SESTD1: variants seen among roughly 807,000 people sequenced by gnomAD.
The protein encoded by SESTD1 is SEC14 domain and spectrin repeat-containing protein 1.
SESTD1 carries 43 observed loss-of-function variants against 101.7 expected under a neutral mutation model. The ratio of observed to expected loss-of-function variants is 0.42; its 90% CI spans 0.33 to 0.55. SESTD1 has a LOEUF of 0.55. Among genes scored for constraint, SESTD1 ranks in the 20% least tolerant of loss-of-function variants. The pLI, the probability that SESTD1 is intolerant of heterozygous loss-of-function variation, is 0.07. For synonymous variants in SESTD1, 283 were observed against 286.8 expected, an observed-to-expected ratio of 0.99 and a Z score of 0.13; for missense variants, 647 against 815.1, an observed-to-expected ratio of 0.79 and a Z score of 2.51.
intron 15 of SESTD1, among the ~76,000 whole-genome samples, chr2:179,116,309 A>T (rs1312433585): frequency 2.0e-5 from 3 of 151,202 alleles, no homozygotes; most frequent in Non-Finnish European, 4.4e-5. Context: ...ACCACAAAAA[A>T]GTTCTGTATT....
intron 1 of SESTD1, among the ~76,000 whole-genome samples, chr2:179,255,739 T>C (rs995807530): frequency 2.7e-4 from 41 of 152,236 alleles, no homozygotes; most frequent in African/African-American, 9.4e-4. Flanking sequence ...TCAATGTAGA[T>C]GAAACAGCCT....
At chr2:179,257,045 T>C (rs549862407) in intron 1 of SESTD1, among the ~76,000 whole-genome samples, 28 of 152,228 alleles carry the variant, frequency 1.8e-4, no homozygotes, top group South Asian at 6.2e-4. Context: ...CCACCCAGCA[T>C]CTCATGCCAC....
At chr2:179,154,804 T>C (rs1265274766) in intron 5 of SESTD1, among the ~76,000 whole-genome samples, 1 of 152,226 alleles carries the variant, frequency 6.6e-6, no homozygotes, top group African/African-American at 2.4e-5. Flanking sequence ...CAGAATCTCA[T>C]AACCAATAAT....
chr2:179,139,998 G>A lies in SESTD1; in HGVS notation c.849+3594C>T, dbSNP rs569176762. On this transcript the variant is annotated intron_variant, in intron 9 of 17. Transcript: ENST00000428443. ...TGGTAATCCTAGCCATCCTTCCTGCGACACAGAAGGAGCTCTCGCTCTTAC... is the reference window on the plus strand; with the variant it reads ...TGGTAATCCTAGCCATCCTTCCTGCAACACAGAAGGAGCTCTCGCTCTTAC... 3.3e-5 allele frequency among the ~76,000 whole-genome samples: 5 copies of A among 152,244 alleles called. No individual in the cohort carries two copies. The South Asian group carries it at 6.2e-4, about 19-fold the overall frequency.
chr2:179,154,279 A>AAGGG (rs1471387182), intron 5 of SESTD1, among the ~76,000 whole-genome samples: 2 of 142,462 alleles, frequency 1.4e-5, no homozygotes, highest in East Asian at 4.7e-4. Context: ...GGAAGGAAGG[A>AAGGG]AGGGAGGAAG....
intron 1 of SESTD1, among the ~76,000 whole-genome samples, chr2:179,196,052 A>G (rs1468261297): frequency 1.3e-5 from 2 of 152,200 alleles, no homozygotes; most frequent in East Asian, 1.9e-4. Flanking sequence ...TACCGGGTTC[A>G]TCTCACCAGG....
chr2:179,223,510 T>C (rs1220741526), intron 1 of SESTD1, among the ~76,000 whole-genome samples: 2 of 151,692 alleles, frequency 1.3e-5, no homozygotes, highest in African/African-American at 2.4e-5. Flanking sequence ...CAGGATAATC[T>C]GGATGAAAAT....
chr2:179,259,834 T>C (rs2047457113), intron 1 of SESTD1, among the ~76,000 whole-genome samples: 1 of 152,214 alleles, frequency 6.6e-6, no homozygotes, highest in Non-Finnish European at 1.5e-5. Flanking sequence ...ACTAAGAAAT[T>C]AACTTGTCCA....
intron 1 of SESTD1, among the ~76,000 whole-genome samples, chr2:179,237,329 G>T (rs1289116861): frequency 2.0e-5 from 3 of 152,004 alleles, no homozygotes; most frequent in African/African-American, 7.2e-5. Context: ...CATTCTCCTG[G>T]TTTTTCCGAT....
rs578042888 is a variant in SESTD1, at chr2:179,237,089, T to C, written c.-26+27410A>G. On this transcript the variant is annotated intron_variant, in intron 1 of 17. Coordinates refer to ENST00000428443, the MANE Select transcript of SESTD1 (RefSeq NM_178123.5). ...AAAGAAAACATTGCAAATGTTGCACTTGCCCTCCTTTCTAAGGGACAAATG... is the reference window on the plus strand; with the variant it reads ...AAAGAAAACATTGCAAATGTTGCACCTGCCCTCCTTTCTAAGGGACAAATG... Among the ~76,000 whole-genome samples the C allele has an allele frequency of 2.8e-5, 4 of 145,028 alleles. No individual in the cohort carries two copies. In the East Asian group the frequency reaches 7.7e-4, roughly 28 times the overall value.
chr2:179,206,861 G>C lies in SESTD1; in HGVS notation c.-25-14995C>G, dbSNP rs372531575. Reference sequence around the variant, plus strand: ...TCTGGATACAAACTCAGTGTGGTTGGTGGGGGCAAGGTGGGAGTGAGACTG... The same window carrying C: ...TCTGGATACAAACTCAGTGTGGTTGCTGGGGGCAAGGTGGGAGTGAGACTG... On this transcript the variant is annotated intron_variant, in intron 1 of 17. Transcript: ENST00000428443. Among the ~76,000 whole-genome samples the C allele has an allele frequency of 2.1e-4, 28 of 133,954 alleles. 9 individuals carry two copies. Among genetic ancestry groups the C allele is most frequent in the African/African-American group, 8.3e-4 (28 of 33,716 alleles). The allele number at this position is 133,954 out of a possible 152,430, so 87.9% of individuals were successfully genotyped here.
At position 179,112,826 on chromosome 2, in the gene SESTD1, T is replaced by C. The variant is rs34573133; in HGVS notation, c.1859A>G (p.Glu620Gly). The C allele has an allele frequency of 6.2e-7, 1 of 1,611,846 alleles. No individual in the cohort carries two copies. Among genetic ancestry groups the C allele is most frequent in the African/African-American group, 1.3e-5 (1 of 74,958 alleles). ...CTCATCATTAATAGCTTCAGGCTCT[T>C]CTGGACAGTCCTGCAAAATCTGCAA... is the stretch of plus-strand genomic sequence containing the variant. ...NAEKILQDCP[E>G]EPEAINDEEQ... Residue 620 changes from glutamate to glycine, a missense_variant, in exon 17 of 18, where the codon GAA becomes GGA. Glu to Gly is a moderately conservative substitution (Grantham distance 98). Coordinates refer to ENST00000428443, the MANE Select transcript of SESTD1 (RefSeq NM_178123.5).
intron 14 of SESTD1, 99 bp downstream of exon 14, chr2:179,117,433 A>T: frequency 9.5e-7 from 1 of 1,050,214 alleles, no homozygotes; most frequent in Non-Finnish European, 1.4e-6. Context: ...TCAAGAATTT[A>T]CTTTTTTAGG....
chr2:179,179,412 G>A (rs2105482067), intron 3 of SESTD1, among the ~76,000 whole-genome samples: 1 of 152,288 alleles, frequency 6.6e-6, no homozygotes, highest in Non-Finnish European at 1.5e-5. Context: ...TGTCTAAACA[G>A]TCCACTCACT....
chr2:179,149,167 T>C (rs1417904617), intron 7 of SESTD1, 130 bp downstream of exon 7: 2 of 594,198 alleles, frequency 3.4e-6, no homozygotes, highest in Non-Finnish European at 5.7e-6. Flanking sequence ...ACGAATATTG[T>C]ACGTCAATTT....
intron 5 of SESTD1, among the ~76,000 whole-genome samples, chr2:179,163,584 A>G (rs967080229): frequency 6.9e-6 from 1 of 145,924 alleles, no homozygotes; most frequent in Admixed American, 6.6e-5. Context: ...AAAGAAGGAA[A>G]AAAAAAAGAT....
chr2:179,181,537 G>A (rs2046109556), intron 3 of SESTD1, among the ~76,000 whole-genome samples: 1 of 152,116 alleles, frequency 6.6e-6, no homozygotes, highest in Non-Finnish European at 1.5e-5. Context: ...CTTCACATGA[G>A]ATGCAACTAC....
intron 1 of SESTD1, among the ~76,000 whole-genome samples, chr2:179,243,039 CA>C (rs1454035372): frequency 1.3e-5 from 2 of 152,060 alleles, no homozygotes; most frequent in African/African-American, 4.8e-5. Flanking sequence ...AGAAAACATT[CA>C]CAAATTATGT....
intron 1 of SESTD1, among the ~76,000 whole-genome samples, chr2:179,221,438 C>T (rs1198480404): frequency 6.6e-6 from 1 of 151,818 alleles, no homozygotes; most frequent in East Asian, 1.9e-4. Context: ...CATAGTGAAA[C>T]CCCATCTCTA....
Sources: allele counts gnomAD v4.1 joint callset (sites outside exome capture counted in the v4.1 genomes callset), GRCh38; gene constraint gnomAD v4.1.1; transcripts MANE v1.5; gene names NCBI Gene and HGNC (gene_info 2026-07-23, HGNC 2026-07-21).